Variants in KCNQ5 observed in about 807,000 individuals in gnomAD.
The protein encoded by KCNQ5 is potassium voltage-gated channel subfamily KQT member 5.
A neutral mutation model predicts 98.2 loss-of-function variants in KCNQ5; 30 were observed. The ratio of observed to expected loss-of-function variants is 0.31; its 90% CI spans 0.23 to 0.41. KCNQ5 has a LOEUF of 0.41. Among genes scored for constraint, KCNQ5 ranks in the 10% least tolerant of loss-of-function variants. The probability of loss-of-function intolerance (pLI) is 1.00; values close to 1 mark genes in which losing one functional copy is unlikely to be tolerated. For missense variants in KCNQ5, 835 were observed against 1,182.5 expected, an observed-to-expected ratio of 0.71 and a Z score of 4.31; for synonymous variants, 458 against 449.4, an observed-to-expected ratio of 1.02 and a Z score of -0.24.
intron 1 of KCNQ5, among the ~76,000 whole-genome samples, chr6:72,667,154 T>A (rs1427646531): frequency 1.3e-5 from 2 of 152,212 alleles, no homozygotes; most frequent in Non-Finnish European, 2.9e-5. Flanking sequence ...TCACATCTGT[T>A]TTCAGTTGCC....
At chr6:72,803,264 A>G (rs752320383) in intron 1 of KCNQ5, among the ~76,000 whole-genome samples, 3 of 152,190 alleles carry the variant, frequency 2.0e-5, no homozygotes, top group South Asian at 2.1e-4. Context: ...TAATTTTTGC[A>G]TATAAAAACC....
intron 1 of KCNQ5, among the ~76,000 whole-genome samples, chr6:72,748,093 C>G (rs559045171): frequency 6.6e-6 from 1 of 152,110 alleles, no homozygotes; most frequent in East Asian, 1.9e-4. Flanking sequence ...TAAGACCAAC[C>G]AGAAAGGGGA....
At chr6:72,660,735 G>A (rs1400082381) in intron 1 of KCNQ5, among the ~76,000 whole-genome samples, 4 of 152,044 alleles carry the variant, frequency 2.6e-5, no homozygotes, top group Non-Finnish European at 2.9e-5. Context: ...GCTCATTCAG[G>A]CAATAAGTGA....
intron 1 of KCNQ5, among the ~76,000 whole-genome samples, chr6:72,783,844 GT>G (rs1221326774): frequency 6.6e-6 from 1 of 152,166 alleles, no homozygotes; most frequent in Non-Finnish European, 1.5e-5. Context: ...TGACTTGGCT[GT>G]TTTTGGATTG....
intron 2 of KCNQ5, among the ~76,000 whole-genome samples, chr6:73,039,492 G>T (rs1243240043): frequency 6.6e-6 from 1 of 151,986 alleles, no homozygotes; most frequent in Non-Finnish European, 1.5e-5. Context: ...TGCTTTTACT[G>T]CATCCTACAT....
intron 1 of KCNQ5, among the ~76,000 whole-genome samples, chr6:72,969,481 C>T (rs1226967849): frequency 2.0e-5 from 3 of 152,056 alleles, no homozygotes; most frequent in African/African-American, 7.2e-5. Context: ...TTAGTGGTGC[C>T]TCCTCCCCTA....
intron 1 of KCNQ5, among the ~76,000 whole-genome samples, chr6:72,852,408 C>T (rs1473315798): frequency 1.3e-5 from 2 of 150,900 alleles, no homozygotes; most frequent in African/African-American, 2.4e-5. Flanking sequence ...GGTATATATA[C>T]ACAATGGAAT....
intron 1 of KCNQ5, among the ~76,000 whole-genome samples, chr6:72,983,527 C>T (rs1192614517): frequency 6.6e-6 from 1 of 152,158 alleles, no homozygotes; most frequent in African/African-American, 2.4e-5. Flanking sequence ...TCCATCAGGT[C>T]ATTTAAGGTC....
At chr6:72,944,418 A>G (rs1444570968) in intron 1 of KCNQ5, among the ~76,000 whole-genome samples, 4 of 152,196 alleles carry the variant, frequency 2.6e-5, no homozygotes, top group African/African-American at 9.7e-5. Context: ...TTCTACAAAT[A>G]CTTATTGAGC....
rs1263284836 is a variant in KCNQ5 at position 73,182,321 on chromosome 6, C to T, written c.1578-8252C>T. 5.9e-5 allele frequency among the ~76,000 whole-genome samples: 9 copies of T among 152,318 alleles called. 1 individual carries two copies. The East Asian group carries it at 1.5e-3, about 26-fold the overall frequency. On this transcript the variant is annotated intron_variant, in intron 11 of 13. Coordinates refer to ENST00000370398, the MANE Select transcript of KCNQ5 (RefSeq NM_019842.4). The stretch of plus-strand genomic sequence containing the variant: ...AGCAAAGACCATACAACCCACAAAG[C>T]ATAAGATATTTACTACCTGGCCCTT...
At chr6:72,791,255 G>A (rs867358744) in intron 1 of KCNQ5, among the ~76,000 whole-genome samples, 13 of 152,172 alleles carry the variant, frequency 8.5e-5, no homozygotes, top group Non-Finnish European at 1.9e-4. Flanking sequence ...GTGCTGTAAT[G>A]TATGTCCATG....
At chr6:72,662,814 A>C (rs1292568792) in intron 1 of KCNQ5, among the ~76,000 whole-genome samples, 1 of 152,190 alleles carries the variant, frequency 6.6e-6, no homozygotes, top group East Asian at 1.9e-4. Context: ...TGAGAGCTAC[A>C]AATATGCATC....
intron 1 of KCNQ5, among the ~76,000 whole-genome samples, chr6:72,851,318 T>C (rs1562024060): frequency 6.6e-6 from 1 of 152,166 alleles, no homozygotes; most frequent in Non-Finnish European, 1.5e-5. Flanking sequence ...CAAAATACAA[T>C]TTTGTGTCTC....
At chr6:72,789,888 C>T (rs1445227708) in intron 1 of KCNQ5, among the ~76,000 whole-genome samples, 1 of 152,062 alleles carries the variant, frequency 6.6e-6, no homozygotes, top group East Asian at 1.9e-4. Flanking sequence ...GTGGAAAGGA[C>T]CTCTTGGATA....
At chr6:73,051,573 C>T (rs1750906244) in intron 3 of KCNQ5, among the ~76,000 whole-genome samples, 1 of 152,044 alleles carries the variant, frequency 6.6e-6, no homozygotes, top group South Asian at 2.1e-4. Context: ...AACAGCCTCC[C>T]AAAGTTGCAG....
intron 1 of KCNQ5, among the ~76,000 whole-genome samples, chr6:72,912,605 G>T (rs966292305): frequency 6.6e-6 from 1 of 152,106 alleles, no homozygotes; most frequent in African/African-American, 2.4e-5. Flanking sequence ...TTCTGAATCT[G>T]GCATTCTCCT....
intron 5 of KCNQ5, among the ~76,000 whole-genome samples, chr6:73,096,819 G>T (rs1774521669): frequency 1.3e-5 from 2 of 152,088 alleles, no homozygotes; most frequent in Non-Finnish European, 2.9e-5. Flanking sequence ...AAGGCAGGGG[G>T]ATCATTTGAA....
intron 2 of KCNQ5, among the ~76,000 whole-genome samples, chr6:73,008,495 A>T (rs533759753): frequency 1.3e-5 from 2 of 152,158 alleles, no homozygotes; most frequent in Non-Finnish European, 2.9e-5. Context: ...ACTTTAAATC[A>T]AAAAAGTTAT....
intron 1 of KCNQ5, among the ~76,000 whole-genome samples, chr6:72,810,716 G>A (rs1775199652): frequency 6.6e-6 from 1 of 152,164 alleles, no homozygotes; most frequent in South Asian, 2.1e-4. Flanking sequence ...CATGAACATG[G>A]CTATAAAAAT....
Sources: allele counts gnomAD v4.1 joint callset (sites outside exome capture counted in the v4.1 genomes callset), GRCh38; gene constraint gnomAD v4.1.1; transcripts MANE v1.5; gene names NCBI Gene and HGNC (gene_info 2026-07-23, HGNC 2026-07-21).